RERG: variants seen among roughly 807,000 people sequenced by gnomAD.
RERG encodes the protein RAS like estrogen regulated growth inhibitor, also known as ras-related and estrogen-regulated growth inhibitor.
A neutral mutation model predicts 23.2 loss-of-function variants in RERG; 25 were observed. That is an observed-to-expected ratio of 1.08 (90% CI 0.79 to 1.50). RERG has a LOEUF of 1.50. Among genes scored for constraint, RERG ranks in the 40% most tolerant of loss-of-function variants. The pLI, the probability that RERG is intolerant of heterozygous loss-of-function variation, is 0.00. For missense variants in RERG, 253 were observed against 250.1 expected (o/e 1.01, Z -0.08); for synonymous variants, 81 against 89.1 (o/e 0.91, Z 0.51).
intron 2 of RERG, among the ~76,000 whole-genome samples, chr12:15,132,899 T>C (rs1013502495): frequency 6.6e-6 from 1 of 151,976 alleles, no homozygotes; most frequent in Non-Finnish European, 1.5e-5. Flanking sequence ...TGAGACGTGA[T>C]TTTTTACAGC....
At chr12:15,187,322 A>G (rs1312309575) in intron 2 of RERG, among the ~76,000 whole-genome samples, 3 of 152,154 alleles carry the variant, frequency 2.0e-5, no homozygotes, top group African/African-American at 7.2e-5. Context: ...TAGCACATCC[A>G]AAGTCTAACT....
intron 2 of RERG, among the ~76,000 whole-genome samples, chr12:15,138,894 G>A (rs1368297374): frequency 1.3e-5 from 2 of 151,568 alleles, no homozygotes; most frequent in African/African-American, 4.8e-5. Context: ...TCATGAAACT[G>A]AAGCTTACCT....
rs568457816 is a variant in RERG at position 15,218,285 on chromosome 12, T to C, written c.-114-682A>G. Reference sequence around the variant, plus strand: ...CTTCAAGTAAATTTGTTTATAGTGCTGTCTTAAAGCTTGGGAAATAACATT... The same window carrying C: ...CTTCAAGTAAATTTGTTTATAGTGCCGTCTTAAAGCTTGGGAAATAACATT... On this transcript the variant is annotated intron_variant, in intron 1 of 4. Coordinates refer to ENST00000256953, the MANE Select transcript of RERG (RefSeq NM_032918.3). 7.4e-4 allele frequency among the ~76,000 whole-genome samples: 112 copies of C among 152,342 alleles called. 2 individuals carry two copies. The South Asian group carries it at 0.022, about 30-fold the overall frequency.
chr12:15,137,823 A>C (rs1281045303), intron 2 of RERG: 1 of 435,372 alleles, frequency 2.3e-6, no homozygotes, highest in South Asian at 1.7e-5. Context: ...TAAAGTTTTA[A>C]TTTTACCTTT....
intron 1 of RERG, among the ~76,000 whole-genome samples, chr12:15,219,469 G>A (rs957899275): frequency 6.6e-6 from 1 of 152,136 alleles, no homozygotes; most frequent in South Asian, 2.1e-4. Context: ...AAGTGTCTAA[G>A]TAATCATTAT....
chr12:15,203,393 A>T (rs1865243498), intron 2 of RERG, among the ~76,000 whole-genome samples: 1 of 151,586 alleles, frequency 6.6e-6, no homozygotes, highest in South Asian at 2.1e-4. Context: ...ATCATTAAAC[A>T]CTCAACAAAC....
chr12:15,211,292 C>T (rs1376782069), intron 2 of RERG, among the ~76,000 whole-genome samples: 21 of 146,742 alleles, frequency 1.4e-4, no homozygotes, highest in African/African-American at 5.3e-4. Context: ...TATACACACA[C>T]ACACACACAC....
At chr12:15,172,457 T>C (rs911579689) in intron 2 of RERG, among the ~76,000 whole-genome samples, 1 of 152,152 alleles carries the variant, frequency 6.6e-6, no homozygotes, top group Non-Finnish European at 1.5e-5. Context: ...AGATTTTATG[T>C]AGGCATATTT....
intron 2 of RERG, among the ~76,000 whole-genome samples, chr12:15,122,811 T>C (rs1258937187): frequency 2.0e-5 from 3 of 151,516 alleles, no homozygotes; most frequent in Admixed American, 1.3e-4. Flanking sequence ...TTTTTTGTTT[T>C]CGTTTTTTTG....
intron 2 of RERG, among the ~76,000 whole-genome samples, chr12:15,148,379 G>A (rs1023607458): frequency 2.6e-5 from 4 of 152,128 alleles, no homozygotes; most frequent in African/African-American, 7.2e-5. Flanking sequence ...AAGAAGGTGC[G>A]AATAAAGAAG....
chr12:15,145,979 T>C (rs1864325762), intron 2 of RERG, among the ~76,000 whole-genome samples: 2 of 152,218 alleles, frequency 1.3e-5, no homozygotes, highest in African/African-American at 4.8e-5. Flanking sequence ...ATTGCATAGA[T>C]AATGTGTTTA....
intron 2 of RERG, among the ~76,000 whole-genome samples, chr12:15,164,522 A>G (rs1864658514): frequency 6.6e-6 from 1 of 152,164 alleles, no homozygotes; most frequent in Non-Finnish European, 1.5e-5. Flanking sequence ...GCAGCCACCT[A>G]TTAGACGTCC....
At chr12:15,164,633 C>A (rs1205451978) in intron 2 of RERG, among the ~76,000 whole-genome samples, 1 of 152,090 alleles carries the variant, frequency 6.6e-6, no homozygotes, top group African/African-American at 2.4e-5. Context: ...GTTGCCATAC[C>A]CTGAGCTGTA....
At chr12:15,191,332 T>C (rs150639860) in intron 2 of RERG, among the ~76,000 whole-genome samples, 1 of 152,300 alleles carries the variant, frequency 6.6e-6, no homozygotes, top group African/African-American at 2.4e-5. Flanking sequence ...AATCAAGCAT[T>C]AGCTTTTGTT....
At chr12:15,216,445 G>A (rs1865441786) in intron 2 of RERG, among the ~76,000 whole-genome samples, 1 of 152,228 alleles carries the variant, frequency 6.6e-6, no homozygotes, top group African/African-American at 2.4e-5. Flanking sequence ...GGTTAGAAAA[G>A]AAAGGTTGGT....
intron 2 of RERG, among the ~76,000 whole-genome samples, chr12:15,193,794 G>C (rs1270522120): frequency 1.3e-5 from 2 of 152,166 alleles, no homozygotes; most frequent in Non-Finnish European, 2.9e-5. Flanking sequence ...GTAAGTAAGA[G>C]AAAGTACAAG....
At chr12:15,112,558 T>A (rs1227009789) in intron 3 of RERG, 3 of 151,788 alleles carry the variant, frequency 2.0e-5, no homozygotes, top group East Asian at 3.9e-4. Context: ...AAACCACGGG[T>A]CAAAAATAAG....
At chr12:15,202,342 G>A (rs1035585823) in intron 2 of RERG, among the ~76,000 whole-genome samples, 3 of 151,570 alleles carry the variant, frequency 2.0e-5, no homozygotes, top group Non-Finnish European at 3.0e-5. Flanking sequence ...ATTTTTAAGC[G>A]CACAACACCA....
chr12:15,115,718 C>T (rs1489164427), intron 3 of RERG, among the ~76,000 whole-genome samples: 1 of 152,082 alleles, frequency 6.6e-6, no homozygotes, highest in Non-Finnish European at 1.5e-5. Flanking sequence ...TTTCTATCTA[C>T]CTCATGTTTC....
Sources: gnomAD v4.1 joint callset for allele counts (sites outside exome capture counted in the v4.1 genomes callset) on GRCh38, gnomAD v4.1.1 for gene constraint, MANE v1.5 for transcripts, NCBI Gene and HGNC (gene_info 2026-07-23, HGNC 2026-07-21) for gene names.